Variants in NALF1 observed in about 807,000 individuals in gnomAD.
The protein encoded by NALF1 is NALCN channel auxiliary factor 1.
NALF1 carries 3 observed loss-of-function variants against 48.4 expected under a neutral mutation model. That is an observed-to-expected ratio of 0.06 (90% CI 0.03 to 0.16). The LOEUF (loss-of-function observed/expected upper bound fraction) is 0.16, where lower values mean the gene tolerates loss of function less well. Among genes scored for constraint, NALF1 ranks in the 10% least tolerant of loss-of-function variants. NALF1 has a pLI of 1.00. For synonymous variants in NALF1, 262 were observed against 245.7 expected (o/e 1.07, Z -0.62); for missense variants, 526 against 571.5 (o/e 0.92, Z 0.81).
At chr13:107,201,848 C>T (rs181193670) in intron 2 of NALF1, among the ~76,000 whole-genome samples, 14 of 152,190 alleles carry the variant, frequency 9.2e-5, no homozygotes, top group Non-Finnish European at 1.9e-4. Context: ...TGACATATTC[C>T]GTAAAGGAGG....
chr13:107,634,272 A>G (rs1014343872), intron 1 of NALF1, among the ~76,000 whole-genome samples: 1 of 152,038 alleles, frequency 6.6e-6, no homozygotes, highest in African/African-American at 2.4e-5. Flanking sequence ...TTTATATTCC[A>G]TCTAGAAAAG....
intron 1 of NALF1, among the ~76,000 whole-genome samples, chr13:107,527,098 A>C (rs908943607): frequency 1.3e-5 from 2 of 152,160 alleles, no homozygotes; most frequent in Non-Finnish European, 1.5e-5. Flanking sequence ...TGAAATTTCA[A>C]ACACAGTTTT....
chr13:107,175,027 G>A (rs1415533460), intron 2 of NALF1, among the ~76,000 whole-genome samples: 3 of 128,086 alleles, frequency 2.3e-5, no homozygotes, highest in African/African-American at 6.2e-5. Flanking sequence ...GGGACTACAG[G>A]CGCCCGCCAC....
intron 1 of NALF1, among the ~76,000 whole-genome samples, chr13:107,540,627 T>C (rs1876973670): frequency 1.3e-5 from 2 of 152,156 alleles, no homozygotes; most frequent in African/African-American, 4.8e-5. Flanking sequence ...CTGGTACTCA[T>C]GTTGCCTGAA....
Position 107,435,975 on chromosome 13 carries a change from C to T in NALF1, c.916-225220G>A, listed in dbSNP as rs565704519. Among the ~76,000 whole-genome samples, 6 of 152,274 alleles carry T rather than the reference C, an allele frequency of 3.9e-5. No individual in the cohort carries two copies. In the South Asian group the frequency reaches 8.3e-4, roughly 21 times the overall value. On this transcript the variant is annotated intron_variant, in intron 1 of 2. Transcript: ENST00000375915. ...GCTGCAGCCCAACACTGTTGAGAAA[C>T]TGAGCTGTCTGTCACATACAAAGCT...
At chr13:107,435,712 G>A (rs1884452702) in intron 1 of NALF1, among the ~76,000 whole-genome samples, 1 of 151,136 alleles carries the variant, frequency 6.6e-6, no homozygotes, top group Non-Finnish European at 1.5e-5. Context: ...TTTGATGCCT[G>A]AGATGTGGGA....
At chr13:107,854,015 A>G (rs2138644574) in intron 1 of NALF1, among the ~76,000 whole-genome samples, 1 of 152,348 alleles carries the variant, frequency 6.6e-6, no homozygotes, top group African/African-American at 2.4e-5. Flanking sequence ...AATTTAGTTG[A>G]CAGCAAATAC....
intron 1 of NALF1, among the ~76,000 whole-genome samples, chr13:107,439,339 T>G (rs1168622817): frequency 6.6e-6 from 1 of 152,244 alleles, no homozygotes; most frequent in East Asian, 1.9e-4. Context: ...TGAGAACATT[T>G]GCTACCTATA....
rs548974081 is a variant in NALF1 at position 107,187,997 on chromosome 13, T to A, written c.1088-17211A>T. ...GTATATCTCATTTTATGGTTTTTCATTCAATCATAATAAGATTTACAGAGA... is the reference window on the plus strand; with the variant it reads ...GTATATCTCATTTTATGGTTTTTCAATCAATCATAATAAGATTTACAGAGA... On this transcript the variant is annotated intron_variant, in intron 2 of 2. Transcript: ENST00000375915. Among the ~76,000 whole-genome samples the A allele has an allele frequency of 9.2e-5, 14 of 152,314 alleles. No individual in the cohort carries two copies. The South Asian group carries it at 2.7e-3, about 29-fold the overall frequency.
chr13:107,718,762 T>C (rs1197205000), intron 1 of NALF1, among the ~76,000 whole-genome samples: 3 of 152,158 alleles, frequency 2.0e-5, no homozygotes, highest in African/African-American at 2.4e-5. Flanking sequence ...CGCTTTCTAA[T>C]ATGGCAGCCA....
chr13:107,203,546 C>T (rs9587320), intron 2 of NALF1, among the ~76,000 whole-genome samples: 18,976 of 152,186 alleles, frequency 0.12, 2,054 homozygotes, highest in African/African-American at 0.29. Context: ...TGTGCAAGGT[C>T]AGCGAGTGAC....
intron 1 of NALF1, among the ~76,000 whole-genome samples, chr13:107,600,997 T>C (rs1351983014): frequency 7.6e-6 from 1 of 132,270 alleles, no homozygotes; most frequent in Admixed American, 7.9e-5. Context: ...AAAACAGATA[T>C]AAGGGAGAGG....
At chr13:107,175,793 C>T (rs148527453) in intron 2 of NALF1, among the ~76,000 whole-genome samples, 6 of 152,294 alleles carry the variant, frequency 3.9e-5, no homozygotes, top group Non-Finnish European at 4.4e-5. Flanking sequence ...GATGGTTTCA[C>T]CCTGCATTCC....
chr13:107,797,750 A>G (rs1460813852), intron 1 of NALF1, among the ~76,000 whole-genome samples: 2 of 152,118 alleles, frequency 1.3e-5, no homozygotes, highest in Non-Finnish European at 2.9e-5. Flanking sequence ...TTATTTTCAA[A>G]TATCTAATTT....
chr13:107,380,277 A>G (rs1883410089), intron 1 of NALF1, among the ~76,000 whole-genome samples: 1 of 152,240 alleles, frequency 6.6e-6, no homozygotes, highest in Non-Finnish European at 1.5e-5. Flanking sequence ...CACTTGAAAT[A>G]ACGTTTCCTT....
intron 1 of NALF1, among the ~76,000 whole-genome samples, chr13:107,312,992 A>C (rs535651961): frequency 6.6e-6 from 1 of 152,338 alleles, no homozygotes; most frequent in South Asian, 2.1e-4. Flanking sequence ...GAAACTGTCA[A>C]CATGACATAA....
intron 1 of NALF1, among the ~76,000 whole-genome samples, chr13:107,660,457 AC>A (rs1880701134): frequency 2.5e-5 from 3 of 119,190 alleles, no homozygotes; most frequent in African/African-American, 4.0e-5. Flanking sequence ...ACACACACAC[AC>A]ACACACACAC....
At chr13:107,559,311 T>C (rs764227236) in intron 1 of NALF1, among the ~76,000 whole-genome samples, 2 of 152,176 alleles carry the variant, frequency 1.3e-5, no homozygotes, top group African/African-American at 2.4e-5. Context: ...CTCGCTTATG[T>C]ATTTTGCCTC....
intron 1 of NALF1, among the ~76,000 whole-genome samples, chr13:107,702,534 GT>G (rs1881847725): frequency 6.6e-6 from 1 of 151,918 alleles, no homozygotes; most frequent in Non-Finnish European, 1.5e-5. Flanking sequence ...ATGGTGTTTT[GT>G]TTTTTGGTCT....
Sources: gnomAD v4.1 joint callset for allele counts (sites outside exome capture counted in the v4.1 genomes callset) on GRCh38, gnomAD v4.1.1 for gene constraint, MANE v1.5 for transcripts, NCBI Gene and HGNC (gene_info 2026-07-23, HGNC 2026-07-21) for gene names.